Variants in CYLD observed in about 807,000 individuals in gnomAD.
CYLD encodes ubiquitin carboxyl-terminal hydrolase CYLD.
CYLD carries 26 observed loss-of-function variants against 104.5 expected under a neutral mutation model. The ratio of observed to expected loss-of-function variants is 0.25; its 90% CI spans 0.18 to 0.35. The LOEUF is 0.35. Ranked by LOEUF, CYLD falls within the 10% of genes least tolerant of loss-of-function variation. The pLI, the probability that CYLD is intolerant of heterozygous loss-of-function variation, is 1.00. For synonymous variants in CYLD, 385 were observed against 399.9 expected, an observed-to-expected ratio of 0.96 and a Z score of 0.45; for missense variants, 703 against 1,136.1, an observed-to-expected ratio of 0.62 and a Z score of 5.48.
At chr16:50,785,681 A>T (rs999902046) in intron 12 of CYLD, 5 of 152,150 alleles carry the variant, frequency 3.3e-5, no homozygotes, top group African/African-American at 9.7e-5. Flanking sequence ...AGTTAATCAC[A>T]CTTTCTTACC....
At chr16:50,771,111 A>C (rs769144836) in intron 5 of CYLD, among the ~76,000 whole-genome samples, 33 of 152,176 alleles carry the variant, frequency 2.2e-4, no homozygotes, top group Non-Finnish European at 4.0e-4. Flanking sequence ...CCTCACCACT[A>C]TCCAGTTCCA....
intron 5 of CYLD, among the ~76,000 whole-genome samples, chr16:50,768,875 C>T (rs917063561): frequency 1.3e-5 from 2 of 152,164 alleles, no homozygotes; most frequent in African/African-American, 4.8e-5. Context: ...CTCTTCCTGT[C>T]CTCTCAACCC....
intron 18 of CYLD, among the ~76,000 whole-genome samples, chr16:50,795,382 A>G (rs1196923380): frequency 6.6e-6 from 1 of 152,206 alleles, no homozygotes; most frequent in African/African-American, 2.4e-5. Flanking sequence ...TATTTAACTA[A>G]TGCTTAATGA....
Position 50,781,340 on chromosome 16 carries a change from G to A in CYLD, c.1613G>A (p.Ser538Asn), listed in dbSNP as rs1324694071. The change falls in exon 10 of 19, where the codon AGC becomes AAC. Residue 538 changes from serine to asparagine, a missense_variant. Ser to Asn is a conservative substitution (Grantham distance 46, BLOSUM62 1). This residue lies in a region of CYLD where 125 missense variants were observed against 325.4 expected (regional missense o/e 0.38). Coordinates refer to ENST00000427738, the MANE Select transcript of CYLD (RefSeq NM_001378743.1). The part of the protein sequence containing the change: ...LKKALFVKLK[S>N]CRPDSRFASL... ...AAGGCGCTGTTTGTGAAACTGAAGA[G>A]CTGCAGGCCTGACTCTAGGTTTGCA... 2 of 1,613,892 alleles carry A rather than the reference G, an allele frequency of 1.2e-6. No homozygotes were observed. The highest frequency in any genetic ancestry group is 1.7e-6 in the Non-Finnish European group (2 of 1,179,886).
In CYLD at chr16:50,750,063, G is replaced by T; in HGVS notation, c.365G>T (p.Gly122Val). The T allele has an allele frequency of 6.2e-7, 1 of 1,614,114 alleles. No homozygotes were observed. Among genetic ancestry groups the T allele is most frequent in the East Asian group, 2.2e-5 (1 of 44,880 alleles). ...AAAAACAGAAACAGACTAAGTAAAG[G>T]CCTCCAAATAGACGTGGGCTGTCCT... is the stretch of plus-strand genomic sequence containing the variant. Reference protein sequence around the residue: ...LFKNRNRLSKGLQIDVGCPVK... With the variant: ...LFKNRNRLSKVLQIDVGCPVK... The change falls in exon 3 of 19, where the codon GGC becomes GTC. Residue 122 changes from glycine to valine, a missense_variant. Gly to Val is a moderately radical substitution (Grantham distance 109). This residue lies in a region of CYLD where 142 missense variants were observed against 165.1 expected (regional missense o/e 0.86). Coordinates refer to ENST00000427738, the MANE Select transcript of CYLD (RefSeq NM_001378743.1).
intron 7 of CYLD, among the ~76,000 whole-genome samples, chr16:50,777,571 T>C (rs1304451832): frequency 6.6e-6 from 1 of 151,990 alleles, no homozygotes; most frequent in East Asian, 1.9e-4. Context: ...TAAAAATGAG[T>C]GGGCTTTTCT....
intron 5 of CYLD, among the ~76,000 whole-genome samples, chr16:50,754,739 A>G (rs1002050454): frequency 2.6e-5 from 4 of 151,118 alleles, no homozygotes; most frequent in Non-Finnish European, 5.9e-5. Context: ...TTGGCTTTCC[A>G]TTCCTGAGTT....
chr16:50,761,020 AG>A (rs1427632280), intron 5 of CYLD, among the ~76,000 whole-genome samples: 2 of 152,236 alleles, frequency 1.3e-5, no homozygotes. Context: ...ATTTGCAAAT[AG>A]AAATTTGCAT....
At position 50,742,118 on chromosome 16, in the gene CYLD, G is replaced by C. The variant is rs903257731; in HGVS notation, c.-210G>C. 2 of 152,432 alleles carry C rather than the reference G, an allele frequency of 1.3e-5. No individual in the cohort carries two copies. The highest frequency in any genetic ancestry group is 4.8e-5 in the African/African-American group (2 of 41,462). The allele number at this position is 152,432 out of a possible 1,614,324, so 9.4% of individuals were successfully genotyped here. On this transcript the variant is annotated 5_prime_UTR_variant, in exon 1 of 19. Transcript: ENST00000427738. ...AGGTTTGGCTGCGCGGGGGCCGCGC[G>C]TCGGAGGTAAATACTAGGGCGGTGG...
chr16:50,771,230 A>G (rs114104840), intron 5 of CYLD, among the ~76,000 whole-genome samples: 78 of 147,804 alleles, frequency 5.3e-4, no homozygotes, highest in African/African-American at 1.9e-3. Flanking sequence ...AGATTTGCCT[A>G]TTCTGGACAT....
intron 5 of CYLD, among the ~76,000 whole-genome samples, chr16:50,765,268 A>G (rs1968373079): frequency 6.6e-6 from 1 of 152,152 alleles, no homozygotes; most frequent in Non-Finnish European, 1.5e-5. Flanking sequence ...CAATATTTCA[A>G]ACTTTTTCAT....
At chr16:50,771,303 C>A (rs890554988) in intron 5 of CYLD, among the ~76,000 whole-genome samples, 1 of 148,034 alleles carries the variant, frequency 6.8e-6, no homozygotes, top group African/African-American at 2.4e-5. Flanking sequence ...TAAGCATAAT[C>A]TTTTCAAGGT....
At chr16:50,787,396 C>T in intron 13 of CYLD, 1 of 264,778 alleles carries the variant, frequency 3.8e-6, no homozygotes, top group South Asian at 4.5e-5. Flanking sequence ...CAAAGATTCA[C>T]CACCTGACTT....
chr16:50,788,573 G>A (rs1971083274), intron 14 of CYLD, among the ~76,000 whole-genome samples: 1 of 152,138 alleles, frequency 6.6e-6, no homozygotes, highest in Non-Finnish European at 1.5e-5. Context: ...GGGAGGCTGG[G>A]TGGTGCCATG....
At chr16:50,792,545 A>G in intron 15 of CYLD, 52 bp from the exon 16 acceptor site, 3 of 1,344,396 alleles carry the variant, frequency 2.2e-6, no homozygotes, top group Non-Finnish European at 3.2e-6. Flanking sequence ...TTTCATAGGG[A>G]AAAGTGTTTT....
intron 18 of CYLD, among the ~76,000 whole-genome samples, chr16:50,795,395 G>A (rs1017443142): frequency 2.0e-5 from 3 of 152,174 alleles, no homozygotes; most frequent in Non-Finnish European, 4.4e-5. Flanking sequence ...CTTAATGAAT[G>A]CCAGGCAGGA....
Position 50,749,628 on chromosome 16 carries a change from T to A in CYLD, c.-71T>A. 1 of 1,504,640 alleles carries A rather than the reference T, an allele frequency of 6.6e-7. No individual in the cohort carries two copies. The highest frequency in any genetic ancestry group is 9.1e-7 in the Non-Finnish European group (1 of 1,096,430). 93.2% of individuals were successfully genotyped at this position (1,504,640 alleles called of 1,614,324 possible). On this transcript the variant is annotated 5_prime_UTR_variant, in exon 3 of 19. Transcript: ENST00000427738. The stretch of plus-strand genomic sequence containing the variant: ...CTTTGGGACTGCCACTGAATTTATC[T>A]TTTGCGGTTTTATGACAAAGTTATT...
Position 50,794,657 on chromosome 16 carries a change from G to C in CYLD, c.2686+229G>C, listed in dbSNP as rs1971811007. On this transcript the variant is annotated intron_variant, in intron 18 of 18. Coordinates refer to ENST00000427738, the MANE Select transcript of CYLD (RefSeq NM_001378743.1). The surrounding 1 kb of genome is among the most constrained non-coding windows in gnomAD (Gnocchi z 4.1). ...CTTTTTTGAGATGGAGTCTCACTCT[G>C]TCACCCAGGCTGGAGTGCAGCAGCG... 1 of 520,102 alleles carries C rather than the reference G, an allele frequency of 1.9e-6. No homozygotes were observed. Among genetic ancestry groups the C allele is most frequent in the Non-Finnish European group, 3.5e-6 (1 of 287,946 alleles). 32.2% of individuals were successfully genotyped at this position (520,102 alleles called of 1,614,324 possible).
Position 50,751,900 on chromosome 16 carries a change from G to T in CYLD, c.801G>T (p.Val267=). The change falls in exon 4 of 19, where the codon GTG becomes GTT. Residue 267 remains valine, a synonymous_variant. Coordinates refer to ENST00000427738, the MANE Select transcript of CYLD (RefSeq NM_001378743.1). The part of the protein sequence containing the change: ...GKESLGYFVG[V]DMDNPIGNWD... Reference sequence around the variant, plus strand: ...AAAGCTTAGGATATTTTGTTGGTGTGGACATGGTAAGAAAATTTTGGATTA... The same window carrying T: ...AAAGCTTAGGATATTTTGTTGGTGTTGACATGGTAAGAAAATTTTGGATTA... 6.2e-7 allele frequency: 1 copy of T among 1,605,488 alleles called. No individual in the cohort carries two copies. Among genetic ancestry groups the T allele is most frequent in the South Asian group, 1.1e-5 (1 of 90,294 alleles).
Sources: gnomAD v4.1 joint callset for allele counts (sites outside exome capture counted in the v4.1 genomes callset) on GRCh38, gnomAD v4.1.1 for gene constraint, gnomAD v4.1.1 regional missense constraint, Gnocchi (gnomAD v3.1) non-coding constraint, MANE v1.5 for transcripts, NCBI Gene and HGNC (gene_info 2026-07-23, HGNC 2026-07-21) for gene names.